STIM1: variants seen among roughly 807,000 people sequenced by gnomAD.
STIM1 encodes stromal interaction molecule 1.
Under a neutral mutation model 74.7 loss-of-function variants are expected in STIM1, and 25 were observed. The ratio of observed to expected loss-of-function variants is 0.33; its 90% CI spans 0.24 to 0.47. The LOEUF is 0.47. STIM1 is among the 20% of genes least tolerant of loss of function. The pLI, the probability that STIM1 is intolerant of heterozygous loss-of-function variation, is 1.00. For missense variants in STIM1, 728 were observed against 920.8 expected (o/e 0.79, Z 2.71); for synonymous variants, 328 against 348.8 (o/e 0.94, Z 0.66).
chr11:3,965,036 T>C (rs2093326691), intron 1 of STIM1, among the ~76,000 whole-genome samples: 1 of 152,202 alleles, frequency 6.6e-6, no homozygotes, highest in Non-Finnish European at 1.5e-5. Context: ...TGGATTTCTT[T>C]CTTTTAGGTC....
intron 1 of STIM1, among the ~76,000 whole-genome samples, chr11:3,886,806 A>T (rs11030167): frequency 0.22 from 34,081 of 151,476 alleles, 4,665 homozygotes; most frequent in East Asian, 0.3. Flanking sequence ...GATCGAGATC[A>T]TCCTGGATAA....
intron 3 of STIM1, among the ~76,000 whole-genome samples, chr11:4,037,040 C>T (rs1258553913): frequency 6.6e-6 from 1 of 151,502 alleles, no homozygotes; most frequent in Non-Finnish European, 1.5e-5. Context: ...TATCTTTTTC[C>T]TTTCTTTTCT....
At chr11:3,898,635 T>A (rs2092259348) in intron 1 of STIM1, among the ~76,000 whole-genome samples, 1 of 151,426 alleles carries the variant, frequency 6.6e-6, no homozygotes, top group Admixed American at 6.6e-5. Context: ...CTTCTAGGGT[T>A]TTTATGATTT....
At chr11:3,903,413 C>A (rs1399089233) in intron 1 of STIM1, 1 of 152,212 alleles carries the variant, frequency 6.6e-6, no homozygotes, top group African/African-American at 2.4e-5. Flanking sequence ...TAGCAACCAT[C>A]CCAGTTGCTT....
At chr11:3,926,774 A>T (rs998048952) in intron 1 of STIM1, among the ~76,000 whole-genome samples, 1 of 152,174 alleles carries the variant, frequency 6.6e-6, no homozygotes, top group Non-Finnish European at 1.5e-5. Flanking sequence ...AGGATGGAGG[A>T]TAGAGGACTA....
rs558923454 is a variant in STIM1 at position 4,015,729 on chromosome 11, A to G, written c.271-8144A>G. Among the ~76,000 whole-genome samples the G allele has an allele frequency of 8.5e-4, 130 of 152,198 alleles. 2 individuals carry two copies. Among genetic ancestry groups the G allele is most frequent in the African/African-American group, 1.8e-3 (73 of 41,536 alleles). On this transcript the variant is annotated intron_variant, in intron 2 of 12. Transcript: ENST00000526596. ...TTCACATAGTCCCATATTTCTTGGA[A>G]GCTTTGTTCGTTTCTTTTTACTTTT...
intron 1 of STIM1, among the ~76,000 whole-genome samples, chr11:3,953,780 CTTTCTTTTT>C (rs2093178374): frequency 7.6e-6 from 1 of 131,090 alleles, no homozygotes; most frequent in African/African-American, 2.7e-5. Context: ...TGATCTTCTT[CTTTCTTTTT>C]TTTTTTTTTT....
chr11:4,083,152 G>A, intron 9 of STIM1, 111 bp from the exon 10 acceptor site: 3 of 1,288,252 alleles, frequency 2.3e-6, no homozygotes, highest in Non-Finnish European at 2.2e-6. Context: ...TGAGTTTATT[G>A]TGTGTTTTAT....
chr11:4,064,892 G>T (rs2094355421), intron 5 of STIM1, among the ~76,000 whole-genome samples: 1 of 152,188 alleles, frequency 6.6e-6, no homozygotes, highest in Admixed American at 6.5e-5. Flanking sequence ...TGTTAGGTGT[G>T]TTTGGAGATG....
chr11:3,898,105 G>A (rs2092241619), intron 1 of STIM1, among the ~76,000 whole-genome samples: 1 of 152,090 alleles, frequency 6.6e-6, no homozygotes, highest in Non-Finnish European at 1.5e-5. Flanking sequence ...TTCCACAATG[G>A]TTGAACTAGT....
chr11:3,946,261 C>A (rs2093072303), intron 1 of STIM1, among the ~76,000 whole-genome samples: 1 of 152,164 alleles, frequency 6.6e-6, no homozygotes, highest in Non-Finnish European at 1.5e-5. Context: ...GTTTTCATAT[C>A]TGTTAAATGG....
chr11:4,055,677 G>C (rs1326379326), intron 4 of STIM1, 40 bp downstream of exon 4: 2 of 1,487,530 alleles, frequency 1.3e-6, no homozygotes, highest in Non-Finnish European at 1.8e-6. Context: ...GAGGGTACGG[G>C]GAATGGGCTG....
chr11:4,073,057 T>TTG (rs2094414693), intron 6 of STIM1, among the ~76,000 whole-genome samples: 1 of 149,568 alleles, frequency 6.7e-6, no homozygotes, highest in Non-Finnish European at 1.5e-5. Context: ...GGTTTTTTTT[T>TTG]TTTTTTTTTT....
chr11:3,882,032 A>G (rs1590522213), intron 1 of STIM1, among the ~76,000 whole-genome samples: 1 of 151,214 alleles, frequency 6.6e-6, no homozygotes, highest in Non-Finnish European at 1.5e-5. Context: ...TTCACTTAGC[A>G]TAAGGGAAAG....
At chr11:3,918,874 C>T (rs569814391) in intron 1 of STIM1, among the ~76,000 whole-genome samples, 71 of 152,198 alleles carry the variant, frequency 4.7e-4, no homozygotes, top group African/African-American at 1.6e-3. Flanking sequence ...ATGTTTACTA[C>T]ATAATTAAGC....
At chr11:4,065,451 G>A (rs748565295) in intron 5 of STIM1, among the ~76,000 whole-genome samples, 8 of 151,368 alleles carry the variant, frequency 5.3e-5, no homozygotes, top group Non-Finnish European at 1.2e-4. Context: ...TCTCCTGTAG[G>A]AACCCACAGC....
intron 2 of STIM1, among the ~76,000 whole-genome samples, chr11:4,010,139 C>T (rs1160026558): frequency 1.3e-5 from 2 of 151,220 alleles, no homozygotes; most frequent in African/African-American, 4.9e-5. Flanking sequence ...TAAAAGATAG[C>T]CTGAGAAGGT....
At chr11:3,992,343 G>A (rs568816659) in intron 2 of STIM1, among the ~76,000 whole-genome samples, 90 of 151,952 alleles carry the variant, frequency 5.9e-4, no homozygotes, top group African/African-American at 2.0e-3. Context: ...GAACCCAGTA[G>A]GCAGAGGTTG....
chr11:4,027,134 A>G (rs2094004099), intron 3 of STIM1, among the ~76,000 whole-genome samples: 1 of 152,100 alleles, frequency 6.6e-6, no homozygotes, highest in Non-Finnish European at 1.5e-5. Context: ...GAATATTCCA[A>G]AAGTTCAGTG....
Sources: gnomAD v4.1 joint callset for allele counts (sites outside exome capture counted in the v4.1 genomes callset) on GRCh38, gnomAD v4.1.1 for gene constraint, MANE v1.5 for transcripts, NCBI Gene and HGNC (gene_info 2026-07-23, HGNC 2026-07-21) for gene names.